Variants in SORCS3 observed in about 807,000 individuals in gnomAD.
SORCS3 encodes sortilin related VPS10 domain containing receptor 3.
A neutral mutation model predicts 146.3 loss-of-function variants in SORCS3; 57 were observed. The observed-to-expected ratio is 0.39, with a 90% CI of 0.31 to 0.49. The LOEUF (loss-of-function observed/expected upper bound fraction) is 0.49, where lower values mean the gene tolerates loss of function less well. SORCS3 is among the 20% of genes least tolerant of loss of function. The probability of loss-of-function intolerance (pLI) is 0.92; values close to 1 mark genes in which losing one functional copy is unlikely to be tolerated. For missense variants in SORCS3, 1,341 were observed against 1,575.5 expected, an observed-to-expected ratio of 0.85 and a Z score of 2.52; for synonymous variants, 653 against 618.5, an observed-to-expected ratio of 1.06 and a Z score of -0.83.
intron 1 of SORCS3, among the ~76,000 whole-genome samples, chr10:104,746,740 G>A (rs942137431): frequency 2.0e-5 from 3 of 152,020 alleles, no homozygotes; most frequent in South Asian, 2.1e-4. Flanking sequence ...TAGAGTCCAC[G>A]TAAAAGTGAG....
chr10:104,967,379 G>A (rs540168550), intron 3 of SORCS3, among the ~76,000 whole-genome samples: 19 of 152,196 alleles, frequency 1.2e-4, no homozygotes, highest in Non-Finnish European at 2.4e-4. Flanking sequence ...ACAAACACAC[G>A]TACAGACAAC....
At chr10:105,162,811 C>T (rs1001557943) in intron 11 of SORCS3, among the ~76,000 whole-genome samples, 4 of 152,138 alleles carry the variant, frequency 2.6e-5, no homozygotes, top group African/African-American at 9.7e-5. Context: ...ATGGAAGATA[C>T]ACAGCTCTGG....
Position 104,782,232 on chromosome 10 carries a change from G to A in SORCS3, c.628-60560G>A, listed in dbSNP as rs142890142. 1.3e-3 allele frequency among the ~76,000 whole-genome samples: 194 copies of A among 152,316 alleles called. 1 individual carries two copies. Among genetic ancestry groups the A allele is most frequent in the African/African-American group, 4.4e-3 (183 of 41,574 alleles). On this transcript the variant is annotated intron_variant, in intron 1 of 26. Transcript: ENST00000369701. ...TCATAAATCTACCTGATACTCCTGAGCCTGGAGTTGTTGACGTGGCTTAGG... is the reference window on the plus strand; with the variant it reads ...TCATAAATCTACCTGATACTCCTGAACCTGGAGTTGTTGACGTGGCTTAGG...
At chr10:104,963,941 A>C (rs2054812015) in intron 3 of SORCS3, among the ~76,000 whole-genome samples, 2 of 152,144 alleles carry the variant, frequency 1.3e-5, no homozygotes, top group Non-Finnish European at 2.9e-5. Flanking sequence ...TCTAATCTGT[A>C]AGCAGACCTT....
intron 3 of SORCS3, among the ~76,000 whole-genome samples, chr10:104,923,702 T>G (rs2019110540): frequency 6.6e-6 from 1 of 152,174 alleles, no homozygotes; most frequent in Admixed American, 6.5e-5. Flanking sequence ...CCACACTCCC[T>G]CCTTCATGGC....
intron 5 of SORCS3, among the ~76,000 whole-genome samples, chr10:105,051,601 T>C (rs1188594491): frequency 6.6e-6 from 1 of 152,074 alleles, no homozygotes; most frequent in African/African-American, 2.4e-5. Flanking sequence ...TAGCTTGAGA[T>C]GGCTTCCTGG....
intron 1 of SORCS3, among the ~76,000 whole-genome samples, chr10:104,686,670 G>A (rs1044176436): frequency 2.0e-5 from 3 of 151,892 alleles, no homozygotes; most frequent in Admixed American, 2.0e-4. Flanking sequence ...ATTCCTATCT[G>A]TCCAGTACCC....
chr10:105,059,713 C>T (rs2055470340), intron 5 of SORCS3, among the ~76,000 whole-genome samples: 1 of 152,182 alleles, frequency 6.6e-6, no homozygotes, highest in Non-Finnish European at 1.5e-5. Flanking sequence ...ATCCATGTGA[C>T]TTGCTTTGGC....
chr10:104,642,016 GGGTGGGA>G, intron 1 of SORCS3, 62 bp downstream of exon 1: 1 of 1,085,824 alleles, frequency 9.2e-7, no homozygotes, highest in Non-Finnish European at 1.3e-6. Flanking sequence ...ATGGGGGGGT[GGGTGGGA>G]GCGAGGGACA....
At chr10:104,900,017 C>T (rs983608662) in intron 2 of SORCS3, among the ~76,000 whole-genome samples, 13 of 152,216 alleles carry the variant, frequency 8.5e-5, no homozygotes, top group Non-Finnish European at 1.6e-4. Flanking sequence ...TTAAGCTTCA[C>T]AGGAAACCAC....
At chr10:105,183,098 G>C (rs2056452871) in intron 14 of SORCS3, among the ~76,000 whole-genome samples, 1 of 152,198 alleles carries the variant, frequency 6.6e-6, no homozygotes, top group Admixed American at 6.6e-5. Context: ...AGAAAAGAGG[G>C]AGCAAGGACA....
At chr10:104,658,074 C>T (rs2015654399) in intron 1 of SORCS3, among the ~76,000 whole-genome samples, 1 of 152,166 alleles carries the variant, frequency 6.6e-6, no homozygotes, top group South Asian at 2.1e-4. Flanking sequence ...TTAAAATTGC[C>T]TTTCTCCCTT....
chr10:104,787,654 A>G (rs1269347623), intron 1 of SORCS3, among the ~76,000 whole-genome samples: 1 of 152,144 alleles, frequency 6.6e-6, no homozygotes, highest in Non-Finnish European at 1.5e-5. Context: ...GTACAACATC[A>G]TGATGTTCTC....
chr10:104,842,751 C>A, intron 1 of SORCS3, 41 bp from the exon 2 acceptor site: 1 of 1,519,912 alleles, frequency 6.6e-7, no homozygotes, highest in Non-Finnish European at 9.1e-7. Flanking sequence ...TTTTCCCTCC[C>A]TTTGTTCCTC....
intron 2 of SORCS3, among the ~76,000 whole-genome samples, chr10:104,886,232 A>G (rs11592916): frequency 0.49 from 73,933 of 151,960 alleles, 21,373 homozygotes; most frequent in African/African-American, 0.82. Flanking sequence ...GGTACATGAT[A>G]CATAATGATT....
intron 3 of SORCS3, among the ~76,000 whole-genome samples, chr10:104,973,819 T>A (rs966402908): frequency 2.1e-3 from 304 of 146,924 alleles, no homozygotes; most frequent in Non-Finnish European, 3.3e-3. Context: ...TCCTGCTTTC[T>A]CTTGTGGGCA....
At chr10:105,066,283 T>C (rs2055522368) in intron 5 of SORCS3, among the ~76,000 whole-genome samples, 1 of 152,218 alleles carries the variant, frequency 6.6e-6, no homozygotes, top group African/African-American at 2.4e-5. Flanking sequence ...CTTAGCTCTC[T>C]CTTCTTCAAC....
chr10:104,718,164 A>G (rs930760749), intron 1 of SORCS3, among the ~76,000 whole-genome samples: 10 of 151,410 alleles, frequency 6.6e-5, no homozygotes, highest in African/African-American at 2.2e-4. Flanking sequence ...ATAAATAAAT[A>G]AATGAATAAA....
At chr10:104,899,283 A>G (rs1364229457) in intron 2 of SORCS3, among the ~76,000 whole-genome samples, 1 of 152,238 alleles carries the variant, frequency 6.6e-6, no homozygotes, top group African/African-American at 2.4e-5. Context: ...TAAAACTTAC[A>G]GACTCACACA....
Sources: allele counts gnomAD v4.1 joint callset (sites outside exome capture counted in the v4.1 genomes callset), GRCh38; gene constraint gnomAD v4.1.1; transcripts MANE v1.5; gene names NCBI Gene and HGNC (gene_info 2026-07-23, HGNC 2026-07-21).